Variants in USPL1 observed in about 807,000 individuals in gnomAD.
USPL1 encodes ubiquitin specific peptidase like 1.
A neutral mutation model predicts 51.5 loss-of-function variants in USPL1; 27 were observed. That is an observed-to-expected ratio of 0.52 (90% CI 0.39 to 0.72). The LOEUF (loss-of-function observed/expected upper bound fraction) is 0.72, where lower values mean the gene tolerates loss of function less well. Ranked by LOEUF, USPL1 falls within the 30% of genes least tolerant of loss-of-function variation. USPL1 has a pLI of 0.00. For synonymous variants in USPL1, 451 were observed against 459.6 expected (o/e 0.98, Z 0.24); for missense variants, 1,226 against 1,268.0 (o/e 0.97, Z 0.50).
At position 30,639,823 on chromosome 13, in the gene USPL1, T is replaced by G. The variant is rs1279114425; in HGVS notation, c.982+1966T>G. ...GATACCATTTCCCTTCTAGACTCCC[T>G]ACTTCAGTTCCCAGTTGAATTAAAG... On this transcript the variant is annotated intron_variant, in intron 5 of 8. Transcript: ENST00000255304. 2.6e-5 allele frequency among the ~76,000 whole-genome samples: 4 copies of G among 152,338 alleles called. No individual in the cohort carries two copies. In the East Asian group the frequency reaches 7.7e-4, roughly 29 times the overall value.
At chr13:30,618,116 T>G (rs1950593228) in intron 1 of USPL1, 60 bp downstream of exon 1, 1 of 152,196 alleles carries the variant, frequency 6.6e-6, no homozygotes, top group Admixed American at 6.6e-5. Flanking sequence ...GAGACAGAGC[T>G]GGGATGACCT....
At chr13:30,638,036 C>G (rs1285323549) in intron 5 of USPL1, among the ~76,000 whole-genome samples, 179 bp downstream of exon 5, 1 of 152,128 alleles carries the variant, frequency 6.6e-6, no homozygotes, top group Non-Finnish European at 1.5e-5. Context: ...CAGAGCTGTT[C>G]CATATAAATA....
intron 2 of USPL1, among the ~76,000 whole-genome samples, 197 bp downstream of exon 2, chr13:30,621,436 C>T (rs2137600022): frequency 1.3e-5 from 2 of 152,168 alleles, no homozygotes; most frequent in South Asian, 4.1e-4. Flanking sequence ...GGAAATAAAA[C>T]ATAGACCTTA....
chr13:30,657,434 T>C, intron 8 of USPL1, 40 bp from the exon 9 acceptor site: 1 of 1,536,418 alleles, frequency 6.5e-7, no homozygotes, highest in Non-Finnish European at 8.7e-7. Context: ...AGGATGGTGG[T>C]TTTTGAATAT....
rs149137285 is a variant in USPL1 at position 30,635,648 on chromosome 13, C to A, written c.869-2096C>A. On this transcript the variant is annotated intron_variant, in intron 4 of 8. Transcript: ENST00000255304. ...TATATTTTGGGGACAGATGTGACAT[C>A]ATACCAAGCTTTCTTTGCTTGACAT... Among the ~76,000 whole-genome samples the A allele has an allele frequency of 4.4e-3, 666 of 152,252 alleles. 5 individuals are homozygous for A. Among genetic ancestry groups the A allele is most frequent in the African/African-American group, 0.015 (640 of 41,568 alleles).
chr13:30,624,311 AAAAG>A (rs1230981023), intron 3 of USPL1, among the ~76,000 whole-genome samples: 2 of 152,130 alleles, frequency 1.3e-5, no homozygotes, highest in Non-Finnish European at 2.9e-5. Context: ...CTTGTGTTAA[AAAAG>A]AAAAAAAAAT....
intron 3 of USPL1, among the ~76,000 whole-genome samples, chr13:30,623,162 C>T (rs1950666298): frequency 6.6e-6 from 1 of 151,970 alleles, no homozygotes; most frequent in Non-Finnish European, 1.5e-5. Flanking sequence ...GCAATTCGAG[C>T]AAAAGCCTGA....
At chr13:30,648,968 CT>C (rs1951053168) in intron 7 of USPL1, among the ~76,000 whole-genome samples, 1 of 152,126 alleles carries the variant, frequency 6.6e-6, no homozygotes, top group Non-Finnish European at 1.5e-5. Flanking sequence ...TTCATACCTG[CT>C]TTTTCCTGTG....
At chr13:30,655,534 C>T (rs2137721818) in intron 8 of USPL1, among the ~76,000 whole-genome samples, 1 of 152,258 alleles carries the variant, frequency 6.6e-6, no homozygotes, top group African/African-American at 2.4e-5. Context: ...TCTTTCTGAG[C>T]ATTAAAAAGT....
chr13:30,647,123 G>T (rs904994896), intron 7 of USPL1, 66 bp downstream of exon 7: 6 of 1,499,354 alleles, frequency 4.0e-6, no homozygotes, highest in Admixed American at 1.8e-5. Context: ...TTCTTAATGT[G>T]TAGGATTGAA....
chr13:30,626,313 A>AAAATAAATAAATAAATAAAT (rs57602031), intron 3 of USPL1, among the ~76,000 whole-genome samples: 5 of 149,178 alleles, frequency 3.4e-5, no homozygotes, highest in Non-Finnish European at 4.4e-5. Context: ...ACTCTATCTC[A>AAAATAAATAAATAAATAAAT]AAATAAATAA....
chr13:30,654,065 G>A (rs7997114), intron 8 of USPL1, among the ~76,000 whole-genome samples: 52,962 of 152,020 alleles, frequency 0.35, 9,541 homozygotes, highest in Middle Eastern at 0.47. Context: ...ATTACCTTAA[G>A]GTTTTACCCT....
chr13:30,642,054 G>A (rs780453075), intron 5 of USPL1, among the ~76,000 whole-genome samples: 8 of 152,048 alleles, frequency 5.3e-5, no homozygotes, highest in Non-Finnish European at 8.8e-5. Flanking sequence ...CTACAGGTGT[G>A]TAGCACCACT....
At chr13:30,627,020 T>C (rs1424485994) in intron 3 of USPL1, among the ~76,000 whole-genome samples, 1 of 152,098 alleles carries the variant, frequency 6.6e-6, no homozygotes, top group East Asian at 1.9e-4. Flanking sequence ...TAAGAAGACA[T>C]GGTATGTTTT....
intron 5 of USPL1, among the ~76,000 whole-genome samples, chr13:30,641,118 C>T (rs1314251490): frequency 1.3e-5 from 2 of 152,160 alleles, no homozygotes; most frequent in East Asian, 1.9e-4. Context: ...GCATTTTTAA[C>T]CTCAATTGTG....
rs1951241350 is a variant in USPL1, at chr13:30,660,252, C to T, written c.*896C>T. 6.6e-6 allele frequency: 1 copy of T among 152,320 alleles called. No homozygotes were observed. The highest frequency in any genetic ancestry group is 2.4e-5 in the African/African-American group (1 of 41,456). The allele number at this position is 152,320 out of a possible 1,614,324, so 9.4% of individuals were successfully genotyped here. On this transcript the variant is annotated 3_prime_UTR_variant, in exon 9 of 9. Coordinates refer to ENST00000255304, the MANE Select transcript of USPL1 (RefSeq NM_005800.5). ...CCAGTTCCCACTCCTACAGGTGGGA[C>T]TGGCAGCCTGGCCCTCAGCCTTCAG...
At chr13:30,634,465 A>G (rs557400251) in intron 4 of USPL1, among the ~76,000 whole-genome samples, 57 of 152,276 alleles carry the variant, frequency 3.7e-4, no homozygotes, top group African/African-American at 1.4e-3. Flanking sequence ...ACCACTTCGT[A>G]TTGCCTAATT....
chr13:30,652,790 A>G (rs1165640566), intron 7 of USPL1, among the ~76,000 whole-genome samples: 1 of 152,226 alleles, frequency 6.6e-6, no homozygotes, highest in Non-Finnish European at 1.5e-5. Context: ...GCCAAAGAAA[A>G]TTCTAAAAGG....
Position 30,659,526 on chromosome 13 carries a change from A to T in USPL1, c.*170A>T. ...GCCCATGAAGCATGTAATCTTTCTT[A>T]CACATTAAAATCACTGAATGTGTTC... On this transcript the variant is annotated 3_prime_UTR_variant, in exon 9 of 9. Transcript: ENST00000255304. 1.8e-6 allele frequency: 1 copy of T among 567,446 alleles called. No individual in the cohort carries two copies. The highest frequency in any genetic ancestry group is 2.9e-6 in the Non-Finnish European group (1 of 345,502). 35.2% of individuals were successfully genotyped at this position (567,446 alleles called of 1,614,324 possible).
Sources: allele counts gnomAD v4.1 joint callset (sites outside exome capture counted in the v4.1 genomes callset), GRCh38; gene constraint gnomAD v4.1.1; transcripts MANE v1.5; gene names NCBI Gene and HGNC (gene_info 2026-07-23, HGNC 2026-07-21).